Variants in LRFN5 observed in about 807,000 individuals in gnomAD.
LRFN5 encodes the protein leucine-rich repeat and fibronectin type-III domain-containing protein 5.
A neutral mutation model predicts 45.6 loss-of-function variants in LRFN5; 24 were observed. The ratio of observed to expected loss-of-function variants is 0.53; its 90% confidence interval spans 0.38 to 0.74. The LOEUF (loss-of-function observed/expected upper bound fraction) is 0.74. Among genes scored for constraint, LRFN5 ranks in the 30% least tolerant of loss-of-function variants. The pLI, the probability that LRFN5 is intolerant of heterozygous loss-of-function variation, is 0.00. For synonymous variants in LRFN5, 340 were observed against 313.8 expected (o/e 1.08, Z -0.88); for missense variants, 776 against 861.5 (o/e 0.90, Z 1.24).
chr14:41,673,365 C>CGGACGG (rs1566614129), intron 1 of LRFN5, among the ~76,000 whole-genome samples: 1 of 148,866 alleles, frequency 6.7e-6, no homozygotes, highest in Non-Finnish European at 1.5e-5. Flanking sequence ...ACCTCCCTCC[C>CGGACGG]GGACGGGGCG....
chr14:41,616,027 G>C (rs1045610095), intron 1 of LRFN5, among the ~76,000 whole-genome samples: 17 of 152,096 alleles, frequency 1.1e-4, no homozygotes, highest in African/African-American at 3.9e-4. Flanking sequence ...AAACGTATTT[G>C]CTATTATGAA....
intron 1 of LRFN5, among the ~76,000 whole-genome samples, chr14:41,693,627 T>C (rs957596581): frequency 6.6e-6 from 1 of 152,064 alleles, no homozygotes; most frequent in African/African-American, 2.4e-5. Context: ...TGTATTGAAA[T>C]GTTGTTGGCT....
intron 1 of LRFN5, among the ~76,000 whole-genome samples, chr14:41,650,266 C>CAAA (rs10654457): frequency 1.2e-4 from 16 of 135,450 alleles, no homozygotes; most frequent in Non-Finnish European, 2.0e-4. Context: ...CACACACACA[C>CAAA]AAAAAAAAAA....
chr14:41,811,475 G>T (rs978867765), intron 2 of LRFN5, among the ~76,000 whole-genome samples: 1 of 152,010 alleles, frequency 6.6e-6, no homozygotes. Context: ...GTACACAACT[G>T]TTTATAGCAG....
intron 2 of LRFN5, among the ~76,000 whole-genome samples, chr14:41,856,906 C>T (rs1339639489): frequency 6.7e-6 from 1 of 150,120 alleles, no homozygotes; most frequent in Non-Finnish European, 1.5e-5. Context: ...CCTCGTGATC[C>T]GCCCGCCTCG....
chr14:41,860,082 G>A lies in LRFN5; in HGVS notation c.-20-26524G>A, dbSNP rs373126583. ...AGGACCGTGGGTACAGACAGTTATCGCTGCCATTACTTTAACACAATTCCA... is the reference window on the plus strand; with the variant it reads ...AGGACCGTGGGTACAGACAGTTATCACTGCCATTACTTTAACACAATTCCA... On this transcript the variant is annotated intron_variant, in intron 2 of 5. Transcript: ENST00000298119. Among the ~76,000 whole-genome samples the A allele has an allele frequency of 3.5e-4, 54 of 152,150 alleles. 1 individual carries two copies. The East Asian group carries it at 7.3e-3, about 21-fold the overall frequency.
chr14:41,884,169 T>C (rs562097511), intron 2 of LRFN5, among the ~76,000 whole-genome samples: 2 of 152,334 alleles, frequency 1.3e-5, no homozygotes, highest in South Asian at 4.1e-4. Context: ...TTTCCCCTTC[T>C]TGTGCTGTGA....
At chr14:41,673,420 A>ACCGGGCGGCTGG (rs1246646254) in intron 1 of LRFN5, among the ~76,000 whole-genome samples, 6 of 123,798 alleles carry the variant, frequency 4.8e-5, no homozygotes, top group African/African-American at 2.0e-4. Context: ...TCACTGCCGG[A>ACCGGGCGGCTGG]CCGGGCGGCT....
At chr14:41,882,963 C>A (rs1231509812) in intron 2 of LRFN5, among the ~76,000 whole-genome samples, 2 of 151,050 alleles carry the variant, frequency 1.3e-5, no homozygotes. Flanking sequence ...ATTCTCCTGC[C>A]TCAGCCTCCC....
chr14:41,625,286 C>T (rs1888288935), intron 1 of LRFN5, among the ~76,000 whole-genome samples: 2 of 151,972 alleles, frequency 1.3e-5, no homozygotes, highest in South Asian at 2.1e-4. Flanking sequence ...ATAATTGAAT[C>T]ATGGGGGCCA....
intron 1 of LRFN5, among the ~76,000 whole-genome samples, chr14:41,765,155 C>G (rs989821762): frequency 1.3e-5 from 2 of 151,996 alleles, no homozygotes; most frequent in Non-Finnish European, 2.9e-5. Flanking sequence ...TCCTGGCTAA[C>G]ACAGTGAAAC....
At chr14:41,831,577 A>G (rs1888483376) in intron 2 of LRFN5, among the ~76,000 whole-genome samples, 1 of 152,172 alleles carries the variant, frequency 6.6e-6, no homozygotes, top group African/African-American at 2.4e-5. Context: ...TGCTTGGTAC[A>G]TGCTAGTTAG....
chr14:41,762,543 G>A (rs943421431), intron 1 of LRFN5, among the ~76,000 whole-genome samples: 1 of 152,052 alleles, frequency 6.6e-6, no homozygotes, highest in Non-Finnish European at 1.5e-5. Flanking sequence ...GGTGAGGCAA[G>A]CATGTTTTAA....
chr14:41,627,656 T>G (rs2138572169), intron 1 of LRFN5, among the ~76,000 whole-genome samples: 1 of 152,314 alleles, frequency 6.6e-6, no homozygotes, highest in East Asian at 1.9e-4. Context: ...GATAAAGGAA[T>G]CGACAACATG....
chr14:41,785,087 T>C (rs945901564), intron 2 of LRFN5, among the ~76,000 whole-genome samples: 3 of 152,160 alleles, frequency 2.0e-5, no homozygotes, highest in Admixed American at 6.6e-5. Context: ...TAGCTTTTTT[T>C]TGGAGTGGTG....
chr14:41,772,359 G>A (rs905599410), intron 2 of LRFN5, among the ~76,000 whole-genome samples: 2 of 152,020 alleles, frequency 1.3e-5, no homozygotes, highest in Non-Finnish European at 2.9e-5. Context: ...ATATCCTTAG[G>A]TATATACTTC....
At chr14:41,821,658 A>C (rs1209448411) in intron 2 of LRFN5, among the ~76,000 whole-genome samples, 1 of 150,694 alleles carries the variant, frequency 6.6e-6, no homozygotes, top group African/African-American at 2.4e-5. Context: ...TGGGGTATGG[A>C]GGATTTCCTC....
chr14:41,848,349 A>G (rs1889142632), intron 2 of LRFN5, among the ~76,000 whole-genome samples: 1 of 152,102 alleles, frequency 6.6e-6, no homozygotes, highest in Non-Finnish European at 1.5e-5. Flanking sequence ...TAAACTACCA[A>G]AAGTCCCCAA....
chr14:41,824,952 C>G (rs1888243051), intron 2 of LRFN5, among the ~76,000 whole-genome samples: 1 of 152,162 alleles, frequency 6.6e-6, no homozygotes, highest in Admixed American at 6.5e-5. Context: ...CCTGGGATTC[C>G]TGACTCTCTG....
Sources: allele counts gnomAD v4.1 joint callset (sites outside exome capture counted in the v4.1 genomes callset), GRCh38; gene constraint gnomAD v4.1.1; transcripts MANE v1.5; gene names NCBI Gene and HGNC (gene_info 2026-07-23, HGNC 2026-07-21).